Variants in CTNNA2 observed in about 807,000 individuals in gnomAD.
The protein encoded by CTNNA2 is catenin alpha-2.
CTNNA2 carries 42 observed loss-of-function variants against 101.0 expected under a neutral mutation model. That is an observed-to-expected ratio of 0.42 (90% confidence interval 0.32 to 0.54). The LOEUF is 0.54. Among genes scored for constraint, CTNNA2 ranks in the 20% least tolerant of loss-of-function variants. The pLI is 0.14. For missense variants in CTNNA2, 871 were observed against 1,223.1 expected, an observed-to-expected ratio of 0.71 and a Z score of 4.29; for synonymous variants, 450 against 456.4, an observed-to-expected ratio of 0.99 and a Z score of 0.18.
chr2:79,918,956 A>G (rs999339650), intron 7 of CTNNA2, among the ~76,000 whole-genome samples: 1 of 152,216 alleles, frequency 6.6e-6, no homozygotes, highest in South Asian at 2.1e-4. Flanking sequence ...TGAAGAGAAT[A>G]TTGGACATGT....
At chr2:79,858,923 G>C (rs930060229) in intron 4 of CTNNA2, among the ~76,000 whole-genome samples, 1 of 151,544 alleles carries the variant, frequency 6.6e-6, no homozygotes, top group Non-Finnish European at 1.5e-5. Flanking sequence ...CCCAGTCCTT[G>C]ACTACGGGTC....
chr2:80,572,387 T>C (rs1991912), intron 12 of CTNNA2, among the ~76,000 whole-genome samples: 101,279 of 151,974 alleles, frequency 0.67, 34,385 homozygotes, highest in South Asian at 0.81. Context: ...CATGTAGGAG[T>C]ACTAATTCTT....
chr2:80,072,608 T>C (rs1211889344), intron 7 of CTNNA2, among the ~76,000 whole-genome samples: 1 of 152,168 alleles, frequency 6.6e-6, no homozygotes, highest in Non-Finnish European at 1.5e-5. Context: ...AAGACAGGGC[T>C]CTGGGGAGCT....
intron 1 of CTNNA2, among the ~76,000 whole-genome samples, chr2:79,537,326 C>T (rs1191344956): frequency 6.6e-6 from 1 of 152,168 alleles, no homozygotes; most frequent in Non-Finnish European, 1.5e-5. Flanking sequence ...GGGATTTTAA[C>T]ATTTCTTGTC....
chr2:79,309,526 A>G (rs139546664), intron 2 of CTNNA2, among the ~76,000 whole-genome samples: 6 of 152,330 alleles, frequency 3.9e-5, no homozygotes, highest in Non-Finnish European at 8.8e-5. Context: ...TTTCAAAGTT[A>G]TAATACTTTC....
chr2:80,087,361 T>G (rs1699507213), intron 7 of CTNNA2, among the ~76,000 whole-genome samples: 1 of 152,036 alleles, frequency 6.6e-6, no homozygotes, highest in Admixed American at 6.6e-5. Context: ...AGGAAGGTGA[T>G]GTGTGCAATA....
At chr2:80,114,064 G>A (rs571670749) in intron 7 of CTNNA2, among the ~76,000 whole-genome samples, 27 of 152,314 alleles carry the variant, frequency 1.8e-4, no homozygotes, top group South Asian at 6.2e-4. Flanking sequence ...GATGGGCACT[G>A]AGAGAAGATC....
intron 4 of CTNNA2, among the ~76,000 whole-genome samples, chr2:79,479,989 G>A (rs1468482901): frequency 6.6e-6 from 1 of 152,106 alleles, no homozygotes; most frequent in Admixed American, 6.6e-5. Flanking sequence ...TTGGCTCATG[G>A]TTTTGGAGGC....
intron 2 of CTNNA2, among the ~76,000 whole-genome samples, chr2:79,652,488 A>C (rs1681329331): frequency 6.6e-6 from 1 of 152,104 alleles, no homozygotes; most frequent in Admixed American, 6.6e-5. Context: ...ATTCAAATCC[A>C]GCAATGTAGC....
chr2:79,467,171 G>C (rs891977605), intron 4 of CTNNA2, among the ~76,000 whole-genome samples: 1 of 152,182 alleles, frequency 6.6e-6, no homozygotes, highest in Non-Finnish European at 1.5e-5. Flanking sequence ...CCAATGTAGA[G>C]AAGTCCTTAA....
At chr2:80,541,201 C>T (rs1691526771) in intron 9 of CTNNA2, among the ~76,000 whole-genome samples, 2 of 152,252 alleles carry the variant, frequency 1.3e-5, no homozygotes, top group South Asian at 2.1e-4. Flanking sequence ...TGTAAGCCTG[C>T]CTCTGAAGAT....
intron 8 of CTNNA2, 114 bp downstream of exon 8, chr2:80,393,405 A>G (rs1677708136): frequency 4.1e-6 from 3 of 737,636 alleles, no homozygotes. Context: ...TCTTTATAAC[A>G]TTTACATATA....
rs57140527 is a variant in CTNNA2 at position 80,356,644 on chromosome 2, G to A, written c.1057-36567G>A. On this transcript the variant is annotated intron_variant, in intron 7 of 18. Coordinates refer to ENST00000402739, the MANE Select transcript of CTNNA2 (RefSeq NM_001282597.3). The stretch of plus-strand genomic sequence containing the variant: ...TCATGGGAAAAAATAATAGAGGGGG[G>A]AAATGGAAACAGTAACTAAAATGTG... 9.8e-3 allele frequency among the ~76,000 whole-genome samples: 1,494 copies of A among 152,102 alleles called. 28 individuals carry two copies. Among genetic ancestry groups the A allele is most frequent in the African/African-American group, 0.033 (1,376 of 41,514 alleles).
intron 7 of CTNNA2, among the ~76,000 whole-genome samples, chr2:80,257,018 G>A (rs1283548135): frequency 6.6e-6 from 1 of 152,076 alleles, no homozygotes; most frequent in Non-Finnish European, 1.5e-5. Context: ...CTGTGAATAT[G>A]ACCCAGTGTT....
chr2:79,527,328 C>T (rs992067076), intron 1 of CTNNA2, among the ~76,000 whole-genome samples: 14 of 151,862 alleles, frequency 9.2e-5, no homozygotes, highest in Non-Finnish European at 1.9e-4. Context: ...ACCTGCTAGA[C>T]GAGTTCTAAT....
chr2:79,702,173 T>A (rs1260539367), intron 2 of CTNNA2, among the ~76,000 whole-genome samples: 1 of 151,872 alleles, frequency 6.6e-6, no homozygotes, highest in Non-Finnish European at 1.5e-5. Context: ...GTGCAAACTG[T>A]GATCTGTGGC....
intron 7 of CTNNA2, among the ~76,000 whole-genome samples, chr2:80,218,398 A>G (rs1169529913): frequency 6.6e-6 from 1 of 152,266 alleles, no homozygotes; most frequent in African/African-American, 2.4e-5. Flanking sequence ...ACAGCAGTTT[A>G]TGGATTCATG....
At chr2:79,272,612 G>A (rs1453568911) in intron 2 of CTNNA2, among the ~76,000 whole-genome samples, 2 of 151,970 alleles carry the variant, frequency 1.3e-5, no homozygotes, top group Non-Finnish European at 1.5e-5. Flanking sequence ...TTAAAATTTA[G>A]ATAAAAGATT....
chr2:80,055,976 T>C (rs767538888), intron 7 of CTNNA2, among the ~76,000 whole-genome samples: 1 of 152,188 alleles, frequency 6.6e-6, no homozygotes, highest in Non-Finnish European at 1.5e-5. Context: ...ACAGAGATTG[T>C]GTTTAGCTGT....
Sources: gnomAD v4.1 joint callset for allele counts (sites outside exome capture counted in the v4.1 genomes callset) on GRCh38, gnomAD v4.1.1 for gene constraint, MANE v1.5 for transcripts, NCBI Gene and HGNC (gene_info 2026-07-23, HGNC 2026-07-21) for gene names.